BCAS1: variants seen among roughly 807,000 people sequenced by gnomAD.
BCAS1 encodes the protein brain enriched myelin associated protein 1.
A neutral mutation model predicts 65.4 loss-of-function variants in BCAS1; 46 were observed. That is an observed-to-expected ratio of 0.70 (90% confidence interval 0.55 to 0.90). BCAS1 has a LOEUF of 0.90. Ranked by LOEUF, BCAS1 falls within the 40% of genes least tolerant of loss-of-function variation. The pLI, the probability that BCAS1 is intolerant of heterozygous loss-of-function variation, is 0.00. For missense variants in BCAS1, 793 were observed against 771.2 expected, an observed-to-expected ratio of 1.03 and a Z score of -0.33; for synonymous variants, 298 against 293.5, an observed-to-expected ratio of 1.02 and a Z score of -0.16.
rs538734655 is a variant in BCAS1 at position 53,957,363 on chromosome 20, A to G, written c.1551+69T>C. On this transcript the variant is annotated intron_variant, in intron 11 of 12. Coordinates refer to ENST00000688948, the MANE Select transcript of BCAS1 (RefSeq NM_001366298.2). ...TGGCTGTGGCTGAGAATTTTATTGA[A>G]AAGTATACTGTGAAGAAGTGAGAAT... is the stretch of plus-strand genomic sequence containing the variant. The G allele has an allele frequency of 9.9e-6, 14 of 1,412,516 alleles. No homozygotes were observed. The Admixed American group carries it at 2.0e-4, about 20-fold the overall frequency. The allele number at this position is 1,412,516 out of a possible 1,614,324, so 87.5% of individuals were successfully genotyped here. A position where few individuals can be genotyped will look rare whatever the true frequency, so the allele number is the denominator to read the frequency against.
rs926618724 is a variant in BCAS1, at chr20:53,950,924, T to C, written c.1815+2508A>G. Among the ~76,000 whole-genome samples, 9 of 152,304 alleles carry C rather than the reference T, an allele frequency of 5.9e-5. 1 individual carries two copies. Among genetic ancestry groups the C allele is most frequent in the Admixed American group, 6.5e-5 (1 of 15,306 alleles). On this transcript the variant is annotated intron_variant, in intron 12 of 12. Coordinates refer to ENST00000688948, the MANE Select transcript of BCAS1 (RefSeq NM_001366298.2). ...ATGGCAATGTTCCAATAAAAATTTATTTATAGAAACAAGGGTTGCATTTTT... is the reference window on the plus strand; with the variant it reads ...ATGGCAATGTTCCAATAAAAATTTACTTATAGAAACAAGGGTTGCATTTTT...
intron 4 of BCAS1, among the ~76,000 whole-genome samples, chr20:54,028,148 A>T (rs1276678216): frequency 6.6e-6 from 1 of 151,942 alleles, no homozygotes; most frequent in East Asian, 1.9e-4. Flanking sequence ...TCTGCATGTA[A>T]CTCACCTCCT....
intron 3 of BCAS1, among the ~76,000 whole-genome samples, chr20:54,054,072 T>C (rs2092259835): frequency 6.6e-6 from 1 of 152,174 alleles, no homozygotes; most frequent in African/African-American, 2.4e-5. Flanking sequence ...CAAGAGAGCA[T>C]ATGCAGTGGA....
At chr20:54,010,822 T>C (rs2091302908) in intron 4 of BCAS1, among the ~76,000 whole-genome samples, 1 of 152,230 alleles carries the variant, frequency 6.6e-6, no homozygotes, top group Non-Finnish European at 1.5e-5. Context: ...TCAGTCTATC[T>C]GATCACAAGC....
At chr20:54,031,513 G>A (rs530306917) in intron 3 of BCAS1, among the ~76,000 whole-genome samples, 1 of 151,234 alleles carries the variant, frequency 6.6e-6, no homozygotes, top group Non-Finnish European at 1.5e-5. Context: ...TCCTAGGTGG[G>A]CACCTGACAT....
chr20:54,059,674 A>T (rs1342297739), intron 1 of BCAS1, among the ~76,000 whole-genome samples: 1 of 152,104 alleles, frequency 6.6e-6, no homozygotes, highest in Non-Finnish European at 1.5e-5. Flanking sequence ...AGCCTACTAC[A>T]CTCCTAGGCT....
At position 53,985,318 on chromosome 20, in the gene BCAS1, G is replaced by A. The variant is rs748754052; in HGVS notation, c.1244C>T (p.Ser415Phe). Residue 415 changes from serine (S) to phenylalanine (F), a missense_variant, in exon 8 of 13, where the codon TCT becomes TTT. Ser to Phe is a radical substitution (Grantham distance 155). Coordinates refer to ENST00000688948, the MANE Select transcript of BCAS1 (RefSeq NM_001366298.2). ...EGTKEKSGPT[S>F]LPLGKLFWKK... ...CCAAAACAGTTTGCCCAGAGGCAGA[G>A]AGGTGGGTCCTGATTTCTCCTTGGT... The A allele has an allele frequency of 6.2e-7, 1 of 1,613,854 alleles. No homozygotes were observed.
chr20:53,961,320 G>T (rs1192046754), intron 10 of BCAS1, among the ~76,000 whole-genome samples: 1 of 152,170 alleles, frequency 6.6e-6, no homozygotes, highest in East Asian at 1.9e-4. Context: ...TTAATATATG[G>T]TGACTATATC....
chr20:53,996,211 C>T (rs1412447018), intron 4 of BCAS1, among the ~76,000 whole-genome samples, 161 bp from the exon 5 acceptor site: 1 of 152,174 alleles, frequency 6.6e-6, no homozygotes, highest in Non-Finnish European at 1.5e-5. Context: ...AGTCACTCTT[C>T]CTTCCCTCCC....
intron 8 of BCAS1, 110 bp downstream of exon 8, chr20:53,985,177 A>C (rs373832337): frequency 1.1e-5 from 12 of 1,086,952 alleles, no homozygotes; most frequent in East Asian, 9.6e-5. Context: ...ATTTTGAAGA[A>C]GAAGAAACAC....
At chr20:53,985,123 C>A (rs2090578852) in intron 8 of BCAS1, among the ~76,000 whole-genome samples, 164 bp downstream of exon 8, 1 of 152,112 alleles carries the variant, frequency 6.6e-6, no homozygotes, top group Non-Finnish European at 1.5e-5. Context: ...TTCATTTTTC[C>A]TAGGAACACA....
chr20:53,995,631 T>G (rs1055396850), intron 5 of BCAS1, among the ~76,000 whole-genome samples: 3 of 152,186 alleles, frequency 2.0e-5, no homozygotes, highest in African/African-American at 7.2e-5. Flanking sequence ...TGCAATAGAA[T>G]TCCATTACAA....
intron 1 of BCAS1, among the ~76,000 whole-genome samples, chr20:54,067,159 G>C (rs2092454297): frequency 1.3e-5 from 2 of 152,180 alleles, no homozygotes; most frequent in Non-Finnish European, 2.9e-5. Context: ...TGGATCACTT[G>C]AGGTCAGGTG....
chr20:53,966,158 T>C (rs1427148060), intron 10 of BCAS1, among the ~76,000 whole-genome samples: 1 of 152,166 alleles, frequency 6.6e-6, no homozygotes, highest in Non-Finnish European at 1.5e-5. Flanking sequence ...AGTCATTATC[T>C]GAAAAAGACA....
chr20:53,946,344 A>G (rs555775345), intron 12 of BCAS1, among the ~76,000 whole-genome samples: 3 of 151,770 alleles, frequency 2.0e-5, no homozygotes, highest in Non-Finnish European at 4.4e-5. Context: ...ATGTCATATC[A>G]TGGGATCCTA....
intron 1 of BCAS1, among the ~76,000 whole-genome samples, chr20:54,068,637 G>T (rs1026262628): frequency 6.6e-5 from 10 of 152,052 alleles, no homozygotes; most frequent in Non-Finnish European, 1.2e-4. Flanking sequence ...TCTCACGAAC[G>T]TCACCTCCAT....
chr20:54,054,184 T>A (rs1259506399), intron 3 of BCAS1, among the ~76,000 whole-genome samples: 1 of 152,068 alleles, frequency 6.6e-6, no homozygotes. Flanking sequence ...TCCTACTGGG[T>A]CCCTCCCATG....
At chr20:53,962,732 G>A (rs565553826) in intron 10 of BCAS1, among the ~76,000 whole-genome samples, 10 of 152,148 alleles carry the variant, frequency 6.6e-5, no homozygotes, top group Non-Finnish European at 7.4e-5. Flanking sequence ...AATCCTGCAG[G>A]AGCCCGCAGG....
intron 10 of BCAS1, among the ~76,000 whole-genome samples, chr20:53,961,739 A>G (rs753341098): frequency 1.3e-5 from 2 of 152,236 alleles, no homozygotes; most frequent in Non-Finnish European, 2.9e-5. Context: ...CAGCAATTAC[A>G]CATGAGTCAA....
Sources: gnomAD v4.1 joint callset for allele counts (sites outside exome capture counted in the v4.1 genomes callset) on GRCh38, gnomAD v4.1.1 for gene constraint, MANE v1.5 for transcripts, NCBI Gene and HGNC (gene_info 2026-07-23, HGNC 2026-07-21) for gene names.